Variants in GNAS observed in about 807,000 individuals in gnomAD.
The protein encoded by GNAS is protein ALEX.
In GNAS, 8 loss-of-function variants were observed where a neutral mutation model predicts 54.5. The observed-to-expected ratio is 0.15, with a 90% CI of 0.09 to 0.26. The LOEUF (loss-of-function observed/expected upper bound fraction) is 0.26, where lower values mean the gene tolerates loss of function less well. GNAS is among the 10% of genes least tolerant of loss of function. The pLI is 1.00. For synonymous variants in GNAS, 204 were observed against 191.4 expected, an observed-to-expected ratio of 1.07 and a Z score of -0.54; for missense variants, 170 against 529.8, an observed-to-expected ratio of 0.32 and a Z score of 6.67.
chr20:58,873,850 G>T lies in GNAS; in HGVS notation c.44-21762G>T, dbSNP rs147985841. 6.6e-6 allele frequency among the ~76,000 whole-genome samples: 1 copy of T among 152,142 alleles called. No individual in the cohort carries two copies. Among genetic ancestry groups the T allele is most frequent in the Non-Finnish European group, 1.5e-5 (1 of 68,034 alleles). ...CAAGAGTGGGCAGTCTCTGCTAAGC[G>T]ATTACACAGGGAATAAATAAGGAAA... On this transcript the variant is annotated intron_variant, in intron 1 of 12. Coordinates refer to the GNAS transcript ENST00000306090. The surrounding 1 kb of genome is among the most constrained non-coding windows in gnomAD (Gnocchi z 4.3).
intron 3 of GNAS, among the ~76,000 whole-genome samples, chr20:58,899,697 A>G (rs984281485): frequency 1.3e-5 from 2 of 151,670 alleles, no homozygotes; most frequent in Non-Finnish European, 2.9e-5. Flanking sequence ...ACAGACACGC[A>G]CACACATCAC....
intron 6 of GNAS, among the ~76,000 whole-genome samples, chr20:58,907,582 T>C (rs963133654): frequency 6.6e-6 from 1 of 152,198 alleles, no homozygotes; most frequent in Non-Finnish European, 1.5e-5. Context: ...CTTAGCCAGA[T>C]TGTTGAATTT....
At chr20:58,866,734 A>G (rs977642795) in intron 1 of GNAS, among the ~76,000 whole-genome samples, 3 of 152,118 alleles carry the variant, frequency 2.0e-5, no homozygotes, top group African/African-American at 7.2e-5. Context: ...CAACTGAAAC[A>G]GATTCATTAG....
intron 1 of GNAS, among the ~76,000 whole-genome samples, chr20:58,894,532 CAG>C (rs1024857956): frequency 7.9e-5 from 12 of 152,082 alleles, no homozygotes; most frequent in Non-Finnish European, 1.5e-4. Context: ...AAGGTAATAA[CAG>C]ATTTGTGTGG....
chr20:58,855,603 G>A (rs2086450644), intron 1 of GNAS: 1 of 716,664 alleles, frequency 1.4e-6, no homozygotes, highest in Non-Finnish European at 2.6e-6. Flanking sequence ...GGCTGGACAG[G>A]CCAGCGCCAG....
chr20:58,910,975 T>C lies in GNAS; in HGVS notation c.*146T>C, dbSNP rs1601174760. The C allele has an allele frequency of 3.7e-6, 3 of 808,026 alleles. No homozygotes were observed. The allele number at this position is 808,026 out of a possible 1,614,324, so 50.1% of individuals were successfully genotyped here. On this transcript the variant is annotated 3_prime_UTR_variant, in exon 13 of 13. Transcript: ENST00000371085. This position sits in a 1 kb window ranked among gnomAD's most constrained non-coding sequence, Gnocchi z 5.8. ...CCCGAGTGATTTTGCGAAACCCCCT[T>C]TTCCCTTCAGCTTGCTTAGATGTTC...
upstream of GNAS, chr20:58,839,931 G>A: frequency 1.6e-6 from 1 of 644,268 alleles, no homozygotes; most frequent in Middle Eastern, 4.3e-4. Flanking sequence ...GTTCTTAAGT[G>A]GTCAGGAAGG....
Position 58,875,197 on chromosome 20 carries a change from T to C in GNAS, c.44-20415T>C, listed in dbSNP as rs531928118. ...TATTAAGTTGTGGCTTCTTAAAAAT[T>C]GCCACCGAAACAAGAATGCCTGAAT... On this transcript the variant is annotated intron_variant, in intron 1 of 12. Coordinates refer to the GNAS transcript ENST00000306090. Among the ~76,000 whole-genome samples the C allele has an allele frequency of 1.1e-4, 16 of 152,302 alleles. No individual in the cohort carries two copies. The South Asian group carries it at 3.3e-3, about 32-fold the overall frequency.
upstream of GNAS, chr20:58,891,250 G>A: frequency 6.7e-6 from 1 of 148,424 alleles, no homozygotes; most frequent in Non-Finnish European, 1.5e-5. Context: ...AGCCGCCGCC[G>A]CCGCCGCGGC....
intron 1 of GNAS, among the ~76,000 whole-genome samples, chr20:58,868,703 C>T (rs1448596964): frequency 1.3e-5 from 2 of 152,196 alleles, no homozygotes; most frequent in Non-Finnish European, 2.9e-5. Context: ...TTCTTTCTCA[C>T]TTTTCCTTTG....
chr20:58,877,598 A>G (rs906482204), intron 1 of GNAS, among the ~76,000 whole-genome samples: 1 of 152,248 alleles, frequency 6.6e-6, no homozygotes, highest in Non-Finnish European at 1.5e-5. Context: ...TCAGAGCAGG[A>G]TAAAGGGACA....
chr20:58,896,620 GTAA>G (rs1262587197), intron 2 of GNAS, among the ~76,000 whole-genome samples: 1 of 141,344 alleles, frequency 7.1e-6, no homozygotes, highest in African/African-American at 2.9e-5. Flanking sequence ...AACAAAACGT[GTAA>G]AAAAAAAAAA....
chr20:58,901,151 A>AGT (rs1295123577), intron 3 of GNAS, among the ~76,000 whole-genome samples: 1 of 152,212 alleles, frequency 6.6e-6, no homozygotes, highest in African/African-American at 2.4e-5. Context: ...TTACCTGTGA[A>AGT]GTGGAGCCTG....
At position 58,873,864 on chromosome 20, in the gene GNAS, T is replaced by C. The variant is rs1027630982; in HGVS notation, c.44-21748T>C. On this transcript the variant is annotated intron_variant, in intron 1 of 12. Coordinates refer to the GNAS transcript ENST00000306090. The surrounding 1 kb of genome is among the most constrained non-coding windows in gnomAD (Gnocchi z 4.3). ...CTCTGCTAAGCGATTACACAGGGAA[T>C]AAATAAGGAAAGATGGAAAGATTGT... Among the ~76,000 whole-genome samples, 5 of 152,040 alleles carry C rather than the reference T, an allele frequency of 3.3e-5. No individual in the cohort carries two copies. The highest frequency in any genetic ancestry group is 1.2e-4 in the African/African-American group (5 of 41,374).
At chr20:58,855,647 G>C in intron 1 of GNAS, 2 of 713,546 alleles carry the variant, frequency 2.8e-6, no homozygotes, top group Middle Eastern at 4.7e-4. Flanking sequence ...GGCTTCAGGT[G>C]AGCCAGGAAC....
chr20:58,875,757 C>T (rs555585840), intron 1 of GNAS, among the ~76,000 whole-genome samples: 18 of 152,330 alleles, frequency 1.2e-4, no homozygotes, highest in African/African-American at 1.9e-4. Flanking sequence ...ATTCCGGCTC[C>T]GGTCGATAAT....
chr20:58,855,160 G>T (rs2086413063), intron 1 of GNAS: 3 of 1,611,936 alleles, frequency 1.9e-6, no homozygotes, highest in Non-Finnish European at 1.7e-6. Flanking sequence ...AAAGCCTCGC[G>T]CTCTCTCAAG....
chr20:58,841,202 T>A lies in GNAS; in HGVS notation c.43+316T>A. ...CCCGAACGCACCCCAGATTTGGAGC[T>A]GCACACCCAAACGGCATTGGTAAGT... On this transcript the variant is annotated intron_variant, in intron 1 of 12. Coordinates refer to the GNAS transcript ENST00000306090. The surrounding 1 kb of genome is among the most constrained non-coding windows in gnomAD (Gnocchi z 5.0). 1.7e-6 allele frequency: 1 copy of A among 593,330 alleles called. No individual in the cohort carries two copies. The highest frequency in any genetic ancestry group is 2.4e-6 in the Non-Finnish European group (1 of 408,756). The allele number at this position is 593,330 out of a possible 1,614,324, so 36.8% of individuals were successfully genotyped here.
At chr20:58,902,226 G>A (rs915667098) in intron 3 of GNAS, among the ~76,000 whole-genome samples, 2 of 152,094 alleles carry the variant, frequency 1.3e-5, no homozygotes, top group Non-Finnish European at 2.9e-5. Context: ...GGTACAGCAG[G>A]TGTGCTGTGT....
Sources: allele counts gnomAD v4.1 joint callset (sites outside exome capture counted in the v4.1 genomes callset), GRCh38; gene constraint gnomAD v4.1.1; non-coding constraint Gnocchi (gnomAD v3.1); transcripts MANE v1.5; gene names NCBI Gene and HGNC (gene_info 2026-07-23, HGNC 2026-07-21).